VWA3B: variants seen among roughly 807,000 people sequenced by gnomAD.
The protein encoded by VWA3B is von Willebrand factor A domain-containing protein 3B.
A neutral mutation model predicts 158.3 loss-of-function variants in VWA3B; 138 were observed. The observed-to-expected ratio is 0.87, with a 90% confidence interval of 0.76 to 1.00. The LOEUF is 1.00. Among genes scored for constraint, VWA3B ranks in the 50% least tolerant of loss-of-function variants. VWA3B has a pLI of 0.00. For missense variants in VWA3B, 1,555 were observed against 1,565.1 expected, an observed-to-expected ratio of 0.99 and a Z score of 0.11; for synonymous variants, 596 against 587.3, an observed-to-expected ratio of 1.01 and a Z score of -0.21.
At chr2:98,161,641 G>A (rs533242129) in intron 7 of VWA3B, among the ~76,000 whole-genome samples, 75 of 152,310 alleles carry the variant, frequency 4.9e-4, no homozygotes, top group African/African-American at 1.6e-3. Flanking sequence ...GTGGTAATAA[G>A]TGATACAGGG....
Position 98,300,216 on chromosome 2 carries a change from A to G in VWA3B, c.3420A>G (p.Arg1140=). ...FYTVLKCNNR[R]EFCPRSALIK... ...CAGTTTTGAAGTGTAACAACCGGAG[A>G]GTAAGTAGATTTTCATTTAGAAAAG... Residue 1140 remains arginine (R), a splice_region_variant and synonymous_variant, in exon 25 of 28, where the codon AGA becomes AGG. Coordinates refer to ENST00000477737, the MANE Select transcript of VWA3B (RefSeq NM_144992.5). The G allele has an allele frequency of 6.2e-7, 1 of 1,613,946 alleles. No individual in the cohort carries two copies. The highest frequency in any genetic ancestry group is 8.5e-7 in the Non-Finnish European group (1 of 1,179,974).
chr2:98,259,715 T>C (rs1687366503), intron 21 of VWA3B, among the ~76,000 whole-genome samples: 1 of 151,730 alleles, frequency 6.6e-6, no homozygotes, highest in African/African-American at 2.4e-5. Flanking sequence ...CTCTCAATTG[T>C]TTTTCTATTC....
rs576571992 is a variant in VWA3B, at chr2:98,308,607, G to A, written c.3522-3212G>A. Among the ~76,000 whole-genome samples the A allele has an allele frequency of 8.5e-5, 13 of 152,318 alleles. No individual in the cohort carries two copies. In the South Asian group the frequency reaches 1.0e-3, roughly 12 times the overall value. ...CCCTGGCTGCCTCCCCTGGCGTCCCGTTCCCATCAGAGGACTGTGGCCTCT... is the reference window on the plus strand; with the variant it reads ...CCCTGGCTGCCTCCCCTGGCGTCCCATTCCCATCAGAGGACTGTGGCCTCT... On this transcript the variant is annotated intron_variant, in intron 26 of 27. Coordinates refer to ENST00000477737, the MANE Select transcript of VWA3B (RefSeq NM_144992.5).
intron 7 of VWA3B, among the ~76,000 whole-genome samples, chr2:98,136,414 C>T (rs936587181): frequency 6.6e-6 from 1 of 152,028 alleles, no homozygotes; most frequent in African/African-American, 2.4e-5. Flanking sequence ...GCAAAATACC[C>T]AAGACTGGGT....
chr2:98,273,613 C>G (rs1273360707), intron 22 of VWA3B, among the ~76,000 whole-genome samples: 3 of 152,188 alleles, frequency 2.0e-5, no homozygotes, highest in Admixed American at 6.5e-5. Flanking sequence ...TTTTCCCTGT[C>G]TGCTTGCTCT....
At chr2:98,276,570 T>A (rs905077477) in intron 22 of VWA3B, among the ~76,000 whole-genome samples, 1 of 152,210 alleles carries the variant, frequency 6.6e-6, no homozygotes, top group East Asian at 1.9e-4. Context: ...CCATTCAGAG[T>A]GGGCTGCCCA....
chr2:98,223,748 G>C (rs1289671868), intron 14 of VWA3B, among the ~76,000 whole-genome samples: 2 of 152,072 alleles, frequency 1.3e-5, no homozygotes, highest in Non-Finnish European at 2.9e-5. Flanking sequence ...TTTAGTTTTA[G>C]AGACAAGGGT....
At chr2:98,166,902 G>A (rs947098529) in intron 8 of VWA3B, among the ~76,000 whole-genome samples, 2 of 151,814 alleles carry the variant, frequency 1.3e-5, no homozygotes, top group African/African-American at 2.4e-5. Flanking sequence ...ATTGAAAAAG[G>A]AAAGTTTGGC....
chr2:98,323,283 CTACA>C, the VWA3B span, among the ~76,000 whole-genome samples: 1 of 151,878 alleles, frequency 6.6e-6, no homozygotes, highest in Non-Finnish European at 1.5e-5. Context: ...CTAAAAGTTA[CTACA>C]TAAAGTACAC....
chr2:98,206,472 A>G (rs1574077383), intron 12 of VWA3B: 2 of 359,144 alleles, frequency 5.6e-6, no homozygotes, highest in East Asian at 1.3e-4. Flanking sequence ...GAGCACAGTA[A>G]GGATTATGCT....
chr2:98,329,515 T>A, the VWA3B span, among the ~76,000 whole-genome samples: 2 of 152,176 alleles, frequency 1.3e-5, no homozygotes, highest in African/African-American at 2.4e-5. Flanking sequence ...CCTTTTTTTT[T>A]AATGGGCAAG....
intron 7 of VWA3B, among the ~76,000 whole-genome samples, chr2:98,144,385 C>CT (rs796096873): frequency 5.6e-4 from 81 of 145,744 alleles, no homozygotes; most frequent in South Asian, 8.8e-4. Flanking sequence ...CTAATTCCTA[C>CT]TTTTTTTTTT....
intron 19 of VWA3B, among the ~76,000 whole-genome samples, chr2:98,244,847 A>T (rs1180131401): frequency 1.3e-5 from 2 of 152,184 alleles, no homozygotes; most frequent in African/African-American, 4.8e-5. Flanking sequence ...GATAATCACT[A>T]TTGAGTACAG....
At chr2:98,310,303 G>A (rs1179363069) in intron 26 of VWA3B, among the ~76,000 whole-genome samples, 1 of 152,142 alleles carries the variant, frequency 6.6e-6, no homozygotes, top group African/African-American at 2.4e-5. Context: ...CAAAGGGGGT[G>A]GGTTCTGACC....
chr2:98,201,861 T>C (rs899840146), intron 12 of VWA3B, among the ~76,000 whole-genome samples: 1 of 152,204 alleles, frequency 6.6e-6, no homozygotes, highest in Non-Finnish European at 1.5e-5. Context: ...CATTCTGGGA[T>C]AATCTCCACT....
At chr2:98,327,645 A>G in the VWA3B span, among the ~76,000 whole-genome samples, 1 of 152,210 alleles carries the variant, frequency 6.6e-6, no homozygotes, top group South Asian at 2.1e-4. Context: ...GAAAACAGGA[A>G]AAGAACTTCC....
chr2:98,153,466 A>G (rs1245230256), intron 7 of VWA3B, among the ~76,000 whole-genome samples: 1 of 152,182 alleles, frequency 6.6e-6, no homozygotes, highest in Middle Eastern at 3.2e-3. Context: ...AAGACTAAAT[A>G]TTATGAAACT....
At chr2:98,279,485 C>G (rs577705644) in intron 22 of VWA3B, among the ~76,000 whole-genome samples, 1 of 152,302 alleles carries the variant, frequency 6.6e-6, no homozygotes, top group African/African-American at 2.4e-5. Context: ...CCCTCCCTGT[C>G]TGGAGGAAGA....
intron 9 of VWA3B, among the ~76,000 whole-genome samples, chr2:98,181,732 G>A (rs1229840601): frequency 1.3e-5 from 2 of 152,180 alleles, no homozygotes; most frequent in African/African-American, 4.8e-5. Context: ...GGTTTTGTAG[G>A]AATACAGCTT....
Sources: gnomAD v4.1 joint callset for allele counts (sites outside exome capture counted in the v4.1 genomes callset) on GRCh38, gnomAD v4.1.1 for gene constraint, MANE v1.5 for transcripts, NCBI Gene and HGNC (gene_info 2026-07-23, HGNC 2026-07-21) for gene names.